The following NCOR1 variants were observed in gnomAD, a reference collection of about 807,000 sequenced individuals.
NCOR1 encodes the protein protein phosphatase 1, regulatory subunit 109.
Under a neutral mutation model 288.1 loss-of-function variants are expected in NCOR1, and 63 were observed. The observed-to-expected ratio is 0.22, with a 90% CI of 0.18 to 0.27. The LOEUF is 0.27. Ranked by LOEUF, NCOR1 falls within the 10% of genes least tolerant of loss-of-function variation. The pLI is 1.00. For missense variants in NCOR1, 2,397 were observed against 3,019.2 expected (o/e 0.79, Z 4.83); for synonymous variants, 1,007 against 1,065.9 (o/e 0.94, Z 1.08).
rs138433631 is a variant in NCOR1, at chr17:16,158,825, C to T, written c.667G>A (p.Val223Met). 1.9e-5 allele frequency: 30 copies of T among 1,614,046 alleles called. No individual in the cohort carries two copies. Among genetic ancestry groups the T allele is most frequent in the African/African-American group, 1.5e-4 (11 of 75,018 alleles). Residue 223 changes from valine (V) to methionine (M), a missense_variant, in exon 6 of 46, where the codon GTG becomes ATG. Transcript: ENST00000268712. ...AAKPPEPEKP[V>M]SPPPVEQKHR... Reference sequence around the variant, plus strand: ...TTCTGCTCCACAGGAGGAGGGGACACGGGCTTCTCAGGCTCAGGAGGTTTA... The same window carrying T: ...TTCTGCTCCACAGGAGGAGGGGACATGGGCTTCTCAGGCTCAGGAGGTTTA...
chr17:16,126,523 T>C lies in NCOR1; in HGVS notation c.1510-317A>G, dbSNP rs117882794. On this transcript the variant is annotated intron_variant, in intron 14 of 45. Coordinates refer to ENST00000268712, the MANE Select transcript of NCOR1 (RefSeq NM_006311.4). ...CCACATTTAATCTGTCACTCAAGCA[T>C]TCCAATTCTACCTTAAAATTTGATA... Among the ~76,000 whole-genome samples the C allele has an allele frequency of 5.4e-3, 825 of 152,290 alleles. 7 individuals carry two copies. The highest frequency in any genetic ancestry group is 0.01 in the Middle Eastern group (3 of 294).
At chr17:16,080,142 G>T (rs910168488) in intron 25 of NCOR1, 78 bp from the exon 26 acceptor site, 1 of 1,207,978 alleles carries the variant, frequency 8.3e-7, no homozygotes, top group Non-Finnish European at 1.2e-6. Context: ...CCCTACTTGG[G>T]AGAGTACTCA....
intron 3 of NCOR1, among the ~76,000 whole-genome samples, chr17:16,177,703 G>C (rs2084502462): frequency 1.3e-5 from 2 of 152,142 alleles, no homozygotes; most frequent in South Asian, 2.1e-4. Context: ...GACCACTCCA[G>C]AGGGTTCTGG....
intron 1 of NCOR1, among the ~76,000 whole-genome samples, chr17:16,203,656 T>G (rs2091145071): frequency 6.6e-6 from 1 of 152,206 alleles, no homozygotes; most frequent in Non-Finnish European, 1.5e-5. Context: ...CTCACTAGAA[T>G]AAAAACTACC....
intron 6 of NCOR1, among the ~76,000 whole-genome samples, chr17:16,154,457 T>A (rs2079386638): frequency 1.3e-5 from 2 of 151,984 alleles, no homozygotes; most frequent in African/African-American, 4.8e-5. Flanking sequence ...AGATGAGGGG[T>A]CTTGAAAGTC....
intron 21 of NCOR1, among the ~76,000 whole-genome samples, chr17:16,092,695 ATTTT>A (rs1184440315): frequency 0.023 from 519 of 22,458 alleles, 23 homozygotes; most frequent in Admixed American, 0.029. Context: ...ATATATATAT[ATTTT>A]TTTTTTTTTT....
rs887247109 is a variant in NCOR1, at chr17:16,070,667, C to A, written c.4153-142G>T. 34 of 1,083,670 alleles carry A rather than the reference C, an allele frequency of 3.1e-5. 1 individual carries two copies. The African/African-American group carries it at 4.6e-4, about 15-fold the overall frequency. The allele number at this position is 1,083,670 out of a possible 1,614,324, so 67.1% of individuals were successfully genotyped here. A position where few individuals can be genotyped will look rare whatever the true frequency, so the allele number is the denominator to read the frequency against. ...TTTACAAATCTCAATCACAACCCCA[C>A]TGATCCCAAGCTGCATACTTTCCCA... is the stretch of plus-strand genomic sequence containing the variant. On this transcript the variant is annotated intron_variant, in intron 30 of 45. Coordinates refer to ENST00000268712, the MANE Select transcript of NCOR1 (RefSeq NM_006311.4).
At chr17:16,084,604 G>A (rs2063922355) in intron 23 of NCOR1, among the ~76,000 whole-genome samples, 1 of 152,206 alleles carries the variant, frequency 6.6e-6, no homozygotes, top group African/African-American at 2.4e-5. Flanking sequence ...CTGTGGTACT[G>A]ACAAAACGAT....
intron 41 of NCOR1, among the ~76,000 whole-genome samples, chr17:16,048,046 C>G (rs1160964945): frequency 2.0e-5 from 3 of 152,224 alleles, no homozygotes; most frequent in African/African-American, 2.4e-5. Context: ...AATAGCAACA[C>G]TTTGTAAGAA....
chr17:16,155,342 C>T (rs147221869), intron 6 of NCOR1, among the ~76,000 whole-genome samples: 2,566 of 118,176 alleles, frequency 0.022, 82 homozygotes, highest in African/African-American at 0.079. Flanking sequence ...CAGAACAAGA[C>T]TGTGTCTCAA....
intron 1 of NCOR1, among the ~76,000 whole-genome samples, chr17:16,199,874 T>C (rs1166078169): frequency 6.6e-6 from 1 of 152,198 alleles, no homozygotes; most frequent in Non-Finnish European, 1.5e-5. Flanking sequence ...GTCACTGTCA[T>C]AAAAGACAAC....
chr17:16,176,163 G>C (rs1448867722), intron 3 of NCOR1, among the ~76,000 whole-genome samples: 1 of 152,078 alleles, frequency 6.6e-6, no homozygotes, highest in East Asian at 1.9e-4. Flanking sequence ...AGGTTGCAGT[G>C]AGCCGAGATC....
intron 40 of NCOR1, 113 bp from the exon 41 acceptor site, chr17:16,049,101 A>G (rs2059006010): frequency 8.7e-7 from 1 of 1,154,532 alleles, no homozygotes; most frequent in African/African-American, 1.6e-5. Context: ...AAAGCTGCCA[A>G]TTTCTATCAG....
At chr17:16,195,547 A>G (rs1360962416) in intron 1 of NCOR1, among the ~76,000 whole-genome samples, 1 of 152,142 alleles carries the variant, frequency 6.6e-6, no homozygotes, top group African/African-American at 2.4e-5. Context: ...CCACAATTCT[A>G]GACTAATTTG....
rs899013965 is a variant in NCOR1, at chr17:16,029,380, G to A, written c.*2916C>T. The stretch of plus-strand genomic sequence containing the variant: ...ATTCAAAAGTGAATTGGTTAAAATC[G>A]TGTCATTAAAATTTTTTAACTGTCC... On this transcript the variant is annotated 3_prime_UTR_variant, in exon 46 of 46. Transcript: ENST00000268712. The A allele has an allele frequency of 5.9e-6, 2 of 337,388 alleles. No individual in the cohort carries two copies. Among genetic ancestry groups the A allele is most frequent in the African/African-American group, 2.2e-5 (1 of 45,808 alleles). The allele number at this position is 337,388 out of a possible 1,614,324, so 20.9% of individuals were successfully genotyped here. A position where few individuals can be genotyped will look rare whatever the true frequency, so the allele number is the denominator to read the frequency against.
At chr17:16,135,158 C>CAAAAA (rs577308243) in intron 14 of NCOR1, among the ~76,000 whole-genome samples, 9 of 35,812 alleles carry the variant, frequency 2.5e-4, no homozygotes, top group South Asian at 2.0e-3. Flanking sequence ...GACTCCATCT[C>CAAAAA]AAAAAAAAAA....
chr17:16,161,281 CTGTTTTTGTTTT>C (rs10557510), intron 5 of NCOR1, among the ~76,000 whole-genome samples: 3 of 149,882 alleles, frequency 2.0e-5, no homozygotes, highest in East Asian at 2.0e-4. Flanking sequence ...ACTCCCTCAC[CTGTTTTTGTTTT>C]TGTTTTTGTT....
At chr17:16,173,415 G>C (rs1361394027) in intron 3 of NCOR1, among the ~76,000 whole-genome samples, 1 of 151,650 alleles carries the variant, frequency 6.6e-6, no homozygotes, top group Non-Finnish European at 1.5e-5. Context: ...CAGAGCACTA[G>C]GAAAGAAAAA....
chr17:16,209,689 C>G (rs1437310155), intron 1 of NCOR1, among the ~76,000 whole-genome samples: 1 of 149,790 alleles, frequency 6.7e-6, no homozygotes, highest in African/African-American at 2.5e-5. Flanking sequence ...CGATGGCTCA[C>G]GCCTGTAATC....
Sources: gnomAD v4.1 joint callset for allele counts (sites outside exome capture counted in the v4.1 genomes callset) on GRCh38, gnomAD v4.1.1 for gene constraint, MANE v1.5 for transcripts, NCBI Gene and HGNC (gene_info 2026-07-23, HGNC 2026-07-21) for gene names.